Variants in PIEZO2 observed in about 807,000 individuals in gnomAD.
PIEZO2 encodes piezo type mechanosensitive ion channel component 2.
Under a neutral mutation model 337.3 loss-of-function variants are expected in PIEZO2, and 172 were observed. The ratio of observed to expected loss-of-function variants is 0.51; its 90% CI spans 0.45 to 0.58. The LOEUF is 0.58. Among genes scored for constraint, PIEZO2 ranks in the 20% least tolerant of loss-of-function variants. The pLI is 0.00. For missense variants in PIEZO2, 3,028 were observed against 3,391.3 expected (o/e 0.89, Z 2.66); for synonymous variants, 1,251 against 1,228.5 (o/e 1.02, Z -0.38).
chr18:10,712,384 GAATTA>G (rs1459580147), intron 39 of PIEZO2, among the ~76,000 whole-genome samples: 1 of 152,200 alleles, frequency 6.6e-6, no homozygotes, highest in East Asian at 1.9e-4. Flanking sequence ...TAAGTATATT[GAATTA>G]AATTAAAGAG....
At position 10,750,034 on chromosome 18, in the gene PIEZO2, A is replaced by T; in HGVS notation, c.4264+57T>A. On this transcript the variant is annotated intron_variant, in intron 29 of 55. Transcript: ENST00000674853. This position sits in a 1 kb window ranked among gnomAD's most constrained non-coding sequence, Gnocchi z 4.1. ...TTGGCCCACTTTTAAAACTAGAACA[A>T]TACAACTATCCTCCCTCTTCTGCCT... 7.5e-7 allele frequency: 1 copy of T among 1,333,654 alleles called. No homozygotes were observed. The highest frequency in any genetic ancestry group is 1.3e-5 in the South Asian group (1 of 79,760). 82.6% of individuals were successfully genotyped at this position (1,333,654 alleles called of 1,614,324 possible).
chr18:11,087,331 C>T (rs1353998321), intron 1 of PIEZO2, among the ~76,000 whole-genome samples: 3 of 152,184 alleles, frequency 2.0e-5, no homozygotes, highest in African/African-American at 7.2e-5. Context: ...CATCCCTGCA[C>T]ACTGTCAGAT....
At chr18:11,039,776 A>ACAC (rs33931942) in intron 2 of PIEZO2, among the ~76,000 whole-genome samples, 1 of 96,940 alleles carries the variant, frequency 1.0e-5, no homozygotes, top group Non-Finnish European at 2.1e-5. Context: ...ACACACACAC[A>ACAC]AAATTTCTTC....
At chr18:10,788,421 AG>A (rs2039297290) in intron 15 of PIEZO2, among the ~76,000 whole-genome samples, 1 of 127,882 alleles carries the variant, frequency 7.8e-6, no homozygotes, top group African/African-American at 2.9e-5. Context: ...AAAAAAAAAA[AG>A]AAAGAAAGGA....
chr18:11,121,535 C>T (rs1354165817), intron 1 of PIEZO2, among the ~76,000 whole-genome samples: 2 of 152,166 alleles, frequency 1.3e-5, no homozygotes, highest in Admixed American at 6.5e-5. Flanking sequence ...CTCTGCACTC[C>T]AGCCTGGGCA....
chr18:11,065,860 C>T, intron 2 of PIEZO2, among the ~76,000 whole-genome samples: 1 of 152,118 alleles, frequency 6.6e-6, no homozygotes, highest in Non-Finnish European at 1.5e-5. Flanking sequence ...GTTAACTAGC[C>T]AAAACATTCC....
At chr18:10,718,329 C>T in intron 36 of PIEZO2, 70 bp from the exon 37 acceptor site, 2 of 1,300,646 alleles carry the variant, frequency 1.5e-6, no homozygotes, top group Non-Finnish European at 2.1e-6. Context: ...TGTTACTCTT[C>T]TAGATTAAAA....
chr18:10,812,354 T>C (rs2040220161), intron 7 of PIEZO2, among the ~76,000 whole-genome samples: 1 of 152,076 alleles, frequency 6.6e-6, no homozygotes, highest in Admixed American at 6.6e-5. Flanking sequence ...AAGAAGGGAA[T>C]AACGGGACAC....
In PIEZO2 at chr18:11,104,240, T is replaced by G. The variant is rs1436875024; in HGVS notation, c.65-38018A>C. 2.0e-5 allele frequency among the ~76,000 whole-genome samples: 3 copies of G among 152,180 alleles called. No individual in the cohort carries two copies. Among genetic ancestry groups the G allele is most frequent in the Non-Finnish European group, 4.4e-5 (3 of 68,014 alleles). On this transcript the variant is annotated intron_variant, in intron 1 of 55. Coordinates refer to ENST00000674853, the MANE Select transcript of PIEZO2 (RefSeq NM_001378183.1). The surrounding 1 kb of genome is among the most constrained non-coding windows in gnomAD (Gnocchi z 4.6). The stretch of plus-strand genomic sequence containing the variant: ...CTTGGAGCCCAGAATTTGGAGGCTT[T>G]TCACATACTCTGAGAATGTAAAAGG...
At chr18:10,934,636 C>CGTGTGT (rs59190236) in intron 3 of PIEZO2, among the ~76,000 whole-genome samples, 3,141 of 130,790 alleles carry the variant, frequency 0.024, 90 homozygotes, top group African/African-American at 0.046. Context: ...ATTGTGTGTA[C>CGTGTGT]GTGTGTGTGT....
rs2042881354 is a variant in PIEZO2, at chr18:10,895,721, C to T, written c.329+15465G>A. Among the ~76,000 whole-genome samples, 2 of 152,138 alleles carry T rather than the reference C, an allele frequency of 1.3e-5. No individual in the cohort carries two copies. The highest frequency in any genetic ancestry group is 2.9e-5 in the Non-Finnish European group (2 of 68,030). Reference sequence around the variant, plus strand: ...TCATCTCTACCCAATGGACTACCAGCAACAGGTGTAATGGGTGCTGATGAT... The same window carrying T: ...TCATCTCTACCCAATGGACTACCAGTAACAGGTGTAATGGGTGCTGATGAT... On this transcript the variant is annotated intron_variant, in intron 4 of 55. Coordinates refer to ENST00000674853, the MANE Select transcript of PIEZO2 (RefSeq NM_001378183.1). This position sits in a 1 kb window ranked among gnomAD's most constrained non-coding sequence, Gnocchi z 4.8.
At position 10,822,990 on chromosome 18, in the gene PIEZO2, T is replaced by C. The variant is rs987474298; in HGVS notation, c.918-15716A>G. Among the ~76,000 whole-genome samples the C allele has an allele frequency of 8.5e-5, 13 of 152,324 alleles. No individual in the cohort carries two copies. The South Asian group carries it at 1.9e-3, about 22-fold the overall frequency. On this transcript the variant is annotated intron_variant, in intron 7 of 55. Coordinates refer to ENST00000674853, the MANE Select transcript of PIEZO2 (RefSeq NM_001378183.1). ...ATACAGGCTGCTATTTTAAAACAAATAGAATATCTCTTAATACTAAGATGA... is the reference window on the plus strand; with the variant it reads ...ATACAGGCTGCTATTTTAAAACAAACAGAATATCTCTTAATACTAAGATGA...
rs1026993973 is a variant in PIEZO2, at chr18:10,953,895, C to T, written c.286+25640G>A. Among the ~76,000 whole-genome samples the T allele has an allele frequency of 6.6e-6, 1 of 152,100 alleles. No individual in the cohort carries two copies. The highest frequency in any genetic ancestry group is 2.4e-5 in the African/African-American group (1 of 41,402). ...GGTGCCCCTGGTTACTATGTGAGGA[C>T]GATACTGCCTTGTTTTAATGATTTG... On this transcript the variant is annotated intron_variant, in intron 3 of 55. Coordinates refer to ENST00000674853, the MANE Select transcript of PIEZO2 (RefSeq NM_001378183.1). The surrounding 1 kb of genome is among the most constrained non-coding windows in gnomAD (Gnocchi z 5.2).
At chr18:10,977,658 G>T (rs553262741) in intron 3 of PIEZO2, among the ~76,000 whole-genome samples, 3 of 152,176 alleles carry the variant, frequency 2.0e-5, no homozygotes, top group Non-Finnish European at 4.4e-5. Flanking sequence ...GTTTCATCAA[G>T]ATTTTAATAA....
At chr18:10,896,866 GA>G (rs2042915756) in intron 4 of PIEZO2, among the ~76,000 whole-genome samples, 2 of 152,214 alleles carry the variant, frequency 1.3e-5, no homozygotes, top group Non-Finnish European at 2.9e-5. Flanking sequence ...CTGCCAAAAA[GA>G]GTTGGGGGTG....
intron 3 of PIEZO2, among the ~76,000 whole-genome samples, chr18:10,957,406 C>CAACA (rs71362193): frequency 7.7e-4 from 111 of 145,000 alleles, no homozygotes; most frequent in East Asian, 8.1e-4. Context: ...AACAAACCAA[C>CAACA]AAAAAAAAAA....
intron 1 of PIEZO2, among the ~76,000 whole-genome samples, chr18:11,085,132 G>A (rs116372789): frequency 9.4e-4 from 143 of 152,312 alleles, no homozygotes; most frequent in African/African-American, 3.3e-3. Context: ...GAACATAAGA[G>A]GACTCAGAGA....
intron 4 of PIEZO2, among the ~76,000 whole-genome samples, chr18:10,875,406 T>G (rs1380156929): frequency 2.0e-5 from 3 of 151,580 alleles, no homozygotes; most frequent in Admixed American, 6.6e-5. Context: ...ACCATTAGAA[T>G]GAGAAAAAAT....
intron 3 of PIEZO2, among the ~76,000 whole-genome samples, chr18:10,935,693 G>A (rs2032353308): frequency 6.6e-6 from 1 of 152,172 alleles, no homozygotes; most frequent in African/African-American, 2.4e-5. Context: ...AAGAGCAACT[G>A]GGGCCGCTGC....
Sources: allele counts gnomAD v4.1 joint callset (sites outside exome capture counted in the v4.1 genomes callset), GRCh38; gene constraint gnomAD v4.1.1; non-coding constraint Gnocchi (gnomAD v3.1); transcripts MANE v1.5; gene names NCBI Gene and HGNC (gene_info 2026-07-23, HGNC 2026-07-21).